The following LAMA2 variants were observed in gnomAD, a reference collection of about 807,000 sequenced individuals.
LAMA2 encodes laminin subunit alpha 2.
A neutral mutation model predicts 364.8 loss-of-function variants in LAMA2; 269 were observed. That is an observed-to-expected ratio of 0.74 (90% confidence interval 0.67 to 0.82). The LOEUF (loss-of-function observed/expected upper bound fraction) is 0.82, where lower values mean the gene tolerates loss of function less well. Ranked by LOEUF, LAMA2 falls within the 40% of genes least tolerant of loss-of-function variation. The pLI is 0.00. For missense variants in LAMA2, 3,807 were observed against 3,873.2 expected (o/e 0.98, Z 0.45); for synonymous variants, 1,379 against 1,370.6 (o/e 1.01, Z -0.14).
intron 9 of LAMA2, among the ~76,000 whole-genome samples, chr6:129,173,848 G>A (rs1279448782): frequency 6.6e-6 from 1 of 152,008 alleles, no homozygotes; most frequent in African/African-American, 2.4e-5. Context: ...AGGGAAATAC[G>A]ATGTATTTCT....
At chr6:129,020,923 A>C (rs1254058228) in intron 1 of LAMA2, among the ~76,000 whole-genome samples, 2 of 152,186 alleles carry the variant, frequency 1.3e-5, no homozygotes, top group Non-Finnish European at 2.9e-5. Flanking sequence ...CTATTTTCTG[A>C]GCCCTAACAG....
chr6:129,449,799 C>CTTTTTTT (rs567411928), intron 45 of LAMA2, among the ~76,000 whole-genome samples: 5 of 123,172 alleles, frequency 4.1e-5, no homozygotes, highest in Non-Finnish European at 5.0e-5. Context: ...GTCTGCTACA[C>CTTTTTTT]TTTTTTTTTT....
At chr6:128,930,522 G>C (rs1467755573) in intron 1 of LAMA2, among the ~76,000 whole-genome samples, 1 of 152,142 alleles carries the variant, frequency 6.6e-6, no homozygotes, top group Non-Finnish European at 1.5e-5. Context: ...GGATGCCTGA[G>C]TGTAGAATAT....
At position 129,440,927 on chromosome 6, in the gene LAMA2, A is replaced by G; in HGVS notation, c.6197A>G (p.Lys2066Arg). 1 of 1,613,998 alleles carries G rather than the reference A, an allele frequency of 6.2e-7. No homozygotes were observed. The highest frequency in any genetic ancestry group is 8.5e-7 in the Non-Finnish European group (1 of 1,179,896). Residue 2066 changes from lysine (K) to arginine (R), a missense_variant, in exon 43 of 65, where the codon AAG becomes AGG. By Grantham distance (26) the Lys-to-Arg change is conservative. Coordinates refer to ENST00000421865, the MANE Select transcript of LAMA2 (RefSeq NM_000426.4). ...TELHQNLDGL[K>R]KNYNKLADSV... The stretch of plus-strand genomic sequence containing the variant: ...CTCCACCAGAACCTCGATGGCCTGA[A>G]GAAGAATTACAATAAACTAGCAGAC...
intron 43 of LAMA2, 125 bp from the exon 44 acceptor site, chr6:129,442,938 T>C (rs1782189952): frequency 4.5e-6 from 3 of 668,714 alleles, no homozygotes; most frequent in Non-Finnish European, 7.8e-6. Context: ...ATGGGGTGCA[T>C]TTATAATTAG....
intron 12 of LAMA2, among the ~76,000 whole-genome samples, chr6:129,209,850 A>C (rs1782969028): frequency 6.6e-6 from 1 of 151,816 alleles, no homozygotes; most frequent in African/African-American, 2.4e-5. Context: ...AAATATACAT[A>C]AAAATTAGCC....
At chr6:129,079,263 A>AT (rs746048395) in intron 3 of LAMA2, among the ~76,000 whole-genome samples, 64 of 152,188 alleles carry the variant, frequency 4.2e-4, no homozygotes, top group Non-Finnish European at 7.2e-4. Flanking sequence ...ATATTGTTGT[A>AT]TTTTTTATTA....
intron 45 of LAMA2, among the ~76,000 whole-genome samples, chr6:129,449,998 G>C (rs911951304): frequency 2.0e-5 from 3 of 151,846 alleles, no homozygotes; most frequent in Admixed American, 6.5e-5. Flanking sequence ...TTGATACAGG[G>C]CTTCACCATG....
chr6:129,007,872 T>C (rs765323448), intron 1 of LAMA2, among the ~76,000 whole-genome samples: 1 of 152,206 alleles, frequency 6.6e-6, no homozygotes, highest in Admixed American at 6.5e-5. Context: ...TGGGGTGTAC[T>C]TGATTCATCA....
intron 15 of LAMA2, among the ~76,000 whole-genome samples, chr6:129,264,138 T>C (rs769737955): frequency 6.6e-6 from 1 of 152,120 alleles, no homozygotes; most frequent in Non-Finnish European, 1.5e-5. Flanking sequence ...GGTTAATATG[T>C]AGTTGCAGTG....
intron 37 of LAMA2, among the ~76,000 whole-genome samples, chr6:129,395,245 T>A (rs1406779729): frequency 6.6e-6 from 1 of 152,226 alleles, no homozygotes; most frequent in African/African-American, 2.4e-5. Context: ...AGCTGCATTT[T>A]AAATAAATAA....
At chr6:129,496,808 C>T (rs12203042) in intron 58 of LAMA2, among the ~76,000 whole-genome samples, 6,870 of 152,236 alleles carry the variant, frequency 0.045, 230 homozygotes, top group Non-Finnish European at 0.07. Flanking sequence ...AGCCCTCCCA[C>T]TTTTATTCCA....
At chr6:128,911,366 A>T (rs546188598) in intron 1 of LAMA2, among the ~76,000 whole-genome samples, 1 of 152,182 alleles carries the variant, frequency 6.6e-6, no homozygotes, top group Non-Finnish European at 1.5e-5. Context: ...CCCGTCGGAA[A>T]GGCGCAGTAT....
At chr6:129,363,006 T>C (rs1348550552) in intron 32 of LAMA2, among the ~76,000 whole-genome samples, 1 of 152,112 alleles carries the variant, frequency 6.6e-6, no homozygotes, top group Non-Finnish European at 1.5e-5. Context: ...GGCTACATGG[T>C]TTTTCAATTA....
In LAMA2 at chr6:129,393,094, C is replaced by CG. The variant is rs1415944134; in HGVS notation, c.5290dup (p.Glu1764GlyfsTer3). ...AGTGAAGAAGCTGTTTGGAGAGTCCCGGGGGGAAAATGAAGAAATGGAGAA... is the reference window on the plus strand; with the variant it reads ...AGTGAAGAAGCTGTTTGGAGAGTCCCGGGGGGGAAAATGAAGAAATGGAGAA... On this transcript the variant is annotated frameshift_variant, in exon 37 of 65. Transcript: ENST00000421865. LOFTEE classifies it high-confidence loss of function. 1.2e-6 allele frequency: 2 copies of CG among 1,613,686 alleles called. No homozygotes were observed. The highest frequency in any genetic ancestry group is 1.3e-5 in the African/African-American group (1 of 74,866).
chr6:129,501,397 G>C (rs1027719733), intron 58 of LAMA2, among the ~76,000 whole-genome samples: 3 of 152,202 alleles, frequency 2.0e-5, no homozygotes, highest in African/African-American at 7.2e-5. Context: ...TGGGAAGCAA[G>C]AAGGGAAATA....
intron 4 of LAMA2, among the ~76,000 whole-genome samples, chr6:129,134,381 A>G (rs1020824865): frequency 1.3e-5 from 2 of 152,244 alleles, no homozygotes; most frequent in Non-Finnish European, 2.9e-5. Flanking sequence ...TTTACTTACT[A>G]AAGTACTTAA....
intron 12 of LAMA2, among the ~76,000 whole-genome samples, chr6:129,245,454 C>A (rs1196216935): frequency 1.3e-5 from 2 of 152,024 alleles, no homozygotes; most frequent in African/African-American, 4.8e-5. Flanking sequence ...TCAGAGAAAT[C>A]AATATTGTCC....
At chr6:129,059,667 TG>T (rs1788748168) in intron 2 of LAMA2, 116 bp from the exon 3 acceptor site, 1 of 692,316 alleles carries the variant, frequency 1.4e-6, no homozygotes, top group African/African-American at 1.8e-5. Context: ...ATTATTTTAA[TG>T]TTTGATATTC....
Sources: gnomAD v4.1 joint callset for allele counts (sites outside exome capture counted in the v4.1 genomes callset) on GRCh38, gnomAD v4.1.1 for gene constraint, MANE v1.5 for transcripts, NCBI Gene and HGNC (gene_info 2026-07-23, HGNC 2026-07-21) for gene names.